Variants in CHD1 observed in about 807,000 individuals in gnomAD.
The protein encoded by CHD1 is ATP-dependent chromatin remodeler CHD1.
A neutral mutation model predicts 224.2 loss-of-function variants in CHD1; 36 were observed. That is an observed-to-expected ratio of 0.16 (90% CI 0.12 to 0.21). The LOEUF (loss-of-function observed/expected upper bound fraction) is 0.21. CHD1 is among the 10% of genes least tolerant of loss of function. CHD1 has a pLI of 1.00. For missense variants in CHD1, 1,378 were observed against 1,994.8 expected (o/e 0.69, Z 5.89); for synonymous variants, 668 against 658.3 (o/e 1.01, Z -0.23).
In CHD1 at chr5:98,888,070, A is replaced by G. The variant is rs1326838858; in HGVS notation, c.2496+18T>C. On this transcript the variant is annotated intron_variant, in intron 17 of 35. Coordinates refer to ENST00000614616, the MANE Select transcript of CHD1 (RefSeq NM_001270.4). Reference sequence around the variant, plus strand: ...AATTAGATAAAATTTAAAACAACAAATACAATTAAATGCTTACTTGAAAGG... The same window carrying G: ...AATTAGATAAAATTTAAAACAACAAGTACAATTAAATGCTTACTTGAAAGG... 1 of 1,495,722 alleles carries G rather than the reference A, an allele frequency of 6.7e-7. No homozygotes were observed. The highest frequency in any genetic ancestry group is 1.4e-5 in the African/African-American group (1 of 71,608). The allele number at this position is 1,495,722 out of a possible 1,614,324, so 92.7% of individuals were successfully genotyped here.
At chr5:98,886,493 T>C (rs1473988834) in intron 17 of CHD1, among the ~76,000 whole-genome samples, 1 of 152,226 alleles carries the variant, frequency 6.6e-6, no homozygotes, top group Non-Finnish European at 1.5e-5. Context: ...ATGGCAATGA[T>C]TTTATAATTA....
At chr5:98,884,457 A>C (rs1268849951) in intron 18 of CHD1, among the ~76,000 whole-genome samples, 8 of 152,106 alleles carry the variant, frequency 5.3e-5, no homozygotes, top group African/African-American at 1.9e-4. Flanking sequence ...GAACTAAGCT[A>C]TGAGGATGCA....
chr5:98,915,945 C>A (rs961670552), intron 2 of CHD1, among the ~76,000 whole-genome samples: 3 of 152,240 alleles, frequency 2.0e-5, no homozygotes, highest in East Asian at 3.9e-4. Context: ...AAAATCCCAG[C>A]ACTTTAGGAG....
In CHD1 at chr5:98,894,657, C is replaced by G; in HGVS notation, c.1740G>C (p.Gln580His). 1 of 1,490,078 alleles carries G rather than the reference C, an allele frequency of 6.7e-7. No homozygotes were observed. Among genetic ancestry groups the G allele is most frequent in the Non-Finnish European group, 9.2e-7 (1 of 1,084,806 alleles). The allele number at this position is 1,490,078 out of a possible 1,614,324, so 92.3% of individuals were successfully genotyped here. A position where few individuals can be genotyped will look rare whatever the true frequency, so the allele number is the denominator to read the frequency against. Reference protein sequence around the residue: ...MIRTHEWTHHQTKRLKFNILL... With the variant: ...MIRTHEWTHHHTKRLKFNILL... ...ATATATTAAATTTTAACCGTTTGGT[C>G]TGATGATGCGTCCATTCATGAGTTC... Residue 580 changes from glutamine (Q) to histidine (H), a missense_variant, in exon 13 of 36, where the codon CAG becomes CAC. Transcript: ENST00000614616.
chr5:98,869,336 TTC>T (rs1454865843), intron 30 of CHD1: 4 of 857,996 alleles, frequency 4.7e-6, no homozygotes, highest in Non-Finnish European at 5.6e-6. Context: ...CGACTAATTT[TTC>T]TTCATATGAC....
chr5:98,856,595 G>A lies in CHD1; in HGVS notation c.4918C>T (p.His1640Tyr), dbSNP rs1480645533. ...TCAGAACTTGACCGGTGGTCTGAATGTAACCGATGATCTGAGTGAGAACGA... is the reference window on the plus strand; with the variant it reads ...TCAGAACTTGACCGGTGGTCTGAATATAACCGATGATCTGAGTGAGAACGA... ...DHRSHSDHRLHSDHRSSSEYT... is the reference protein window; with the variant it reads ...DHRSHSDHRLYSDHRSSSEYT... The change falls in exon 36 of 36, where the codon CAT becomes TAT. Residue 1640 changes from histidine (H) to tyrosine (Y), a missense_variant. By Grantham distance (83) the His-to-Tyr change is moderately conservative. Transcript: ENST00000614616. 6.2e-7 allele frequency: 1 copy of A among 1,613,668 alleles called. No homozygotes were observed. Among genetic ancestry groups the A allele is most frequent in the Admixed American group, 1.7e-5 (1 of 59,980 alleles).
chr5:98,897,868 A>G (rs1751443089), intron 10 of CHD1, among the ~76,000 whole-genome samples: 1 of 152,176 alleles, frequency 6.6e-6, no homozygotes, highest in Non-Finnish European at 1.5e-5. Flanking sequence ...CTAAGAAAAT[A>G]TCCACTATCT....
At chr5:98,908,800 GAATA>G (rs70984333) in intron 2 of CHD1, among the ~76,000 whole-genome samples, 4 of 150,830 alleles carry the variant, frequency 2.7e-5, no homozygotes, top group Non-Finnish European at 5.9e-5. Context: ...TACACCCACG[GAATA>G]AATAAATAAA....
At chr5:98,873,343 G>T (rs1331297603) in intron 26 of CHD1, among the ~76,000 whole-genome samples, 1 of 152,122 alleles carries the variant, frequency 6.6e-6, no homozygotes, top group Non-Finnish European at 1.5e-5. Context: ...ATATGTGTGT[G>T]TATAAAACAG....
intron 32 of CHD1, among the ~76,000 whole-genome samples, chr5:98,862,512 C>T (rs1053819095): frequency 6.6e-6 from 1 of 152,114 alleles, no homozygotes; most frequent in African/African-American, 2.4e-5. Context: ...TGAAATGGTA[C>T]CTATTTGTAT....
intron 15 of CHD1, 101 bp downstream of exon 15, chr5:98,892,423 TA>T: frequency 1.3e-6 from 1 of 760,520 alleles, no homozygotes; most frequent in South Asian, 2.5e-5. Flanking sequence ...GCAACTGCTC[TA>T]AGACACTATT....
At chr5:98,906,535 C>A (rs981890936) in intron 2 of CHD1, among the ~76,000 whole-genome samples, 1 of 152,102 alleles carries the variant, frequency 6.6e-6, no homozygotes, top group Admixed American at 6.5e-5. Context: ...ATGTGTTAGG[C>A]ACTGGGGACA....
At chr5:98,893,936 G>A (rs1400441259) in intron 13 of CHD1, among the ~76,000 whole-genome samples, 1 of 151,810 alleles carries the variant, frequency 6.6e-6, no homozygotes, top group Non-Finnish European at 1.5e-5. Context: ...CTCTATTAAT[G>A]TCAATATGAA....
At chr5:98,905,919 A>C (rs1435529114) in intron 2 of CHD1, among the ~76,000 whole-genome samples, 1 of 152,176 alleles carries the variant, frequency 6.6e-6, no homozygotes, top group Non-Finnish European at 1.5e-5. Context: ...TAGGGCATTA[A>C]ATTTCTGGTA....
intron 1 of CHD1, among the ~76,000 whole-genome samples, chr5:98,927,535 G>C (rs1753554132): frequency 6.6e-6 from 1 of 152,194 alleles, no homozygotes; most frequent in Admixed American, 6.5e-5. Flanking sequence ...ATCTGGATCA[G>C]GATGTTAATT....
intron 33 of CHD1, 100 bp downstream of exon 33, chr5:98,859,872 C>T: frequency 3.4e-6 from 2 of 590,726 alleles, no homozygotes; most frequent in Non-Finnish European, 2.9e-6. Flanking sequence ...TTAAATTTAT[C>T]TTATTCATTC....
intron 2 of CHD1, among the ~76,000 whole-genome samples, chr5:98,925,319 A>T (rs1167122329): frequency 6.6e-6 from 1 of 152,186 alleles, no homozygotes; most frequent in Non-Finnish European, 1.5e-5. Context: ...CTGGTCTCCA[A>T]CTTTTGAGTT....
chr5:98,880,705 A>G (rs138256854), intron 22 of CHD1, among the ~76,000 whole-genome samples: 79 of 152,348 alleles, frequency 5.2e-4, no homozygotes, highest in Admixed American at 3.6e-3. Context: ...CTTATTTGTG[A>G]TAAGTTAATG....
intron 15 of CHD1, among the ~76,000 whole-genome samples, chr5:98,890,177 T>C (rs577864844): frequency 2.2e-4 from 33 of 152,236 alleles, no homozygotes; most frequent in Admixed American, 1.7e-3. Flanking sequence ...AAAGCTGAAT[T>C]TAAAAAAGAA....
Sources: allele counts gnomAD v4.1 joint callset (sites outside exome capture counted in the v4.1 genomes callset), GRCh38; gene constraint gnomAD v4.1.1; transcripts MANE v1.5; gene names NCBI Gene and HGNC (gene_info 2026-07-23, HGNC 2026-07-21).